The following LRBA variants were observed in gnomAD, a reference collection of about 807,000 sequenced individuals.
The protein encoded by LRBA is lipopolysaccharide-responsive and beige-like anchor protein.
Under a neutral mutation model 330.0 loss-of-function variants are expected in LRBA, and 176 were observed. That is an observed-to-expected ratio of 0.53 (90% CI 0.47 to 0.60). The LOEUF (loss-of-function observed/expected upper bound fraction) is 0.60, where lower values mean the gene tolerates loss of function less well. LRBA is among the 20% of genes least tolerant of loss of function. The probability of loss-of-function intolerance (pLI) is 0.00; values close to 1 mark genes in which losing one functional copy is unlikely to be tolerated. For missense variants in LRBA, 3,259 were observed against 3,444.8 expected (o/e 0.95, Z 1.35); for synonymous variants, 1,230 against 1,193.0 (o/e 1.03, Z -0.64).
chr4:151,006,785 C>G (rs960611694), intron 2 of LRBA, among the ~76,000 whole-genome samples: 10 of 152,042 alleles, frequency 6.6e-5, no homozygotes, highest in African/African-American at 2.2e-4. Flanking sequence ...TTGCAGGAAC[C>G]TAAATTATCA....
chr4:150,762,370 T>C (rs28532069), intron 34 of LRBA, among the ~76,000 whole-genome samples: 1,723 of 152,022 alleles, frequency 0.011, 38 homozygotes, highest in African/African-American at 0.04. Flanking sequence ...CACTGCCCTA[T>C]GAATTAGTAA....
chr4:150,497,791 C>T (rs1759767541), intron 40 of LRBA, among the ~76,000 whole-genome samples: 1 of 152,144 alleles, frequency 6.6e-6, no homozygotes, highest in Non-Finnish European at 1.5e-5. Flanking sequence ...AGCCTACAAA[C>T]ACACACACTC....
chr4:150,270,936 C>T (rs115298746), intron 56 of LRBA, among the ~76,000 whole-genome samples: 7,503 of 152,260 alleles, frequency 0.049, 618 homozygotes, highest in African/African-American at 0.17. Context: ...CGAATAGGAG[C>T]AGATCTGGTC....
chr4:150,861,801 A>C (rs556029560), intron 22 of LRBA, among the ~76,000 whole-genome samples: 3 of 152,302 alleles, frequency 2.0e-5, no homozygotes, highest in South Asian at 4.1e-4. Flanking sequence ...CTTAAAACAC[A>C]AACACATTGT....
At chr4:150,316,006 G>C (rs1175101893) in intron 50 of LRBA, among the ~76,000 whole-genome samples, 7 of 152,130 alleles carry the variant, frequency 4.6e-5, no homozygotes. Flanking sequence ...AGGCAGTTTT[G>C]AATGCTACAG....
At chr4:150,629,601 T>C (rs1299195966) in intron 37 of LRBA, among the ~76,000 whole-genome samples, 1 of 151,758 alleles carries the variant, frequency 6.6e-6, no homozygotes, top group Non-Finnish European at 1.5e-5. Context: ...GTCACACTAC[T>C]GTACTACAGC....
At chr4:150,979,969 C>T (rs1387689635) in intron 2 of LRBA, among the ~76,000 whole-genome samples, 6 of 152,124 alleles carry the variant, frequency 3.9e-5, no homozygotes, top group Non-Finnish European at 8.8e-5. Context: ...ACTCATTCAA[C>T]ATGGCCAGTA....
chr4:150,301,956 T>C (rs1176954265), intron 53 of LRBA, among the ~76,000 whole-genome samples: 1 of 152,198 alleles, frequency 6.6e-6, no homozygotes, highest in Admixed American at 6.5e-5. Context: ...TCCTACTTCT[T>C]AATGTGTTTT....
chr4:150,865,919 T>C (rs1199410521), intron 22 of LRBA, among the ~76,000 whole-genome samples: 1 of 152,186 alleles, frequency 6.6e-6, no homozygotes, highest in African/African-American at 2.4e-5. Context: ...TTTCACCATG[T>C]TGGCCAGGCT....
At chr4:150,790,816 T>G (rs1739792313) in intron 34 of LRBA, among the ~76,000 whole-genome samples, 1 of 152,176 alleles carries the variant, frequency 6.6e-6, no homozygotes, top group South Asian at 2.1e-4. Context: ...GAATACCTAC[T>G]TTCTCGGGCT....
chr4:150,910,204 G>A (rs1053695021), intron 9 of LRBA, among the ~76,000 whole-genome samples: 18 of 152,058 alleles, frequency 1.2e-4, no homozygotes, highest in East Asian at 5.8e-4. Context: ...CTGTACTTTC[G>A]GTATCACAGT....
chr4:150,387,291 A>T (rs1743227086), intron 47 of LRBA, among the ~76,000 whole-genome samples: 1 of 152,152 alleles, frequency 6.6e-6, no homozygotes, highest in South Asian at 2.1e-4. Context: ...AAGTTATGTC[A>T]TAAGGCAATC....
At chr4:150,731,540 C>T (rs1042797188) in intron 36 of LRBA, among the ~76,000 whole-genome samples, 4 of 152,058 alleles carry the variant, frequency 2.6e-5, no homozygotes, top group Admixed American at 6.5e-5. Context: ...ATAAGCTATG[C>T]GCAGAAAGAC....
chr4:150,707,646 G>C (rs1037367710), intron 36 of LRBA, among the ~76,000 whole-genome samples: 1 of 151,600 alleles, frequency 6.6e-6, no homozygotes, highest in African/African-American at 2.4e-5. Flanking sequence ...GAAAAGGAGA[G>C]GAGAGAAGCC....
chr4:150,691,502 T>C (rs144791330), intron 36 of LRBA, among the ~76,000 whole-genome samples: 1 of 152,278 alleles, frequency 6.6e-6, no homozygotes, highest in Non-Finnish European at 1.5e-5. Flanking sequence ...AAGCTATCAC[T>C]ATACACCCAC....
intron 37 of LRBA, among the ~76,000 whole-genome samples, chr4:150,615,515 T>C (rs899086328): frequency 5.9e-5 from 9 of 152,056 alleles, no homozygotes; most frequent in African/African-American, 2.2e-4. Context: ...GTCAAAAGAA[T>C]ATGCTAACAG....
At chr4:150,317,757 C>G (rs941233081) in intron 50 of LRBA, among the ~76,000 whole-genome samples, 1 of 152,162 alleles carries the variant, frequency 6.6e-6, no homozygotes, top group Non-Finnish European at 1.5e-5. Flanking sequence ...TTTGCTGATG[C>G]TTCAAATCCT....
At chr4:150,484,865 G>C (rs959730395) in intron 42 of LRBA, among the ~76,000 whole-genome samples, 1 of 151,736 alleles carries the variant, frequency 6.6e-6, no homozygotes, top group Non-Finnish European at 1.5e-5. Context: ...TCAATTAGTA[G>C]AATATTTCTA....
chr4:150,443,853 A>AAAAAT (rs70941406), intron 44 of LRBA, among the ~76,000 whole-genome samples: 8 of 75,482 alleles, frequency 1.1e-4, no homozygotes, highest in African/African-American at 1.9e-4. Context: ...TAATTAAAAA[A>AAAAAT]ATATATATAT....
Sources: allele counts gnomAD v4.1 joint callset (sites outside exome capture counted in the v4.1 genomes callset), GRCh38; gene constraint gnomAD v4.1.1; transcripts MANE v1.5; gene names NCBI Gene and HGNC (gene_info 2026-07-23, HGNC 2026-07-21).